The following PTPN3 variants were observed in gnomAD, a reference collection of about 807,000 sequenced individuals.
The protein encoded by PTPN3 is protein tyrosine phosphatase non-receptor type 3.
PTPN3 carries 96 observed loss-of-function variants against 132.7 expected under a neutral mutation model. That is an observed-to-expected ratio of 0.72 (90% CI 0.61 to 0.86). The LOEUF is 0.86. Ranked by LOEUF, PTPN3 falls within the 40% of genes least tolerant of loss-of-function variation. PTPN3 has a pLI of 0.00. For synonymous variants in PTPN3, 398 were observed against 429.0 expected (o/e 0.93, Z 0.89); for missense variants, 1,125 against 1,159.6 (o/e 0.97, Z 0.43).
chr9:109,462,191 T>A (rs1845875899), intron 2 of PTPN3, among the ~76,000 whole-genome samples: 1 of 152,218 alleles, frequency 6.6e-6, no homozygotes, highest in Non-Finnish European at 1.5e-5. Flanking sequence ...TGACTTTGGT[T>A]GTCCACCTGA....
intron 17 of PTPN3, among the ~76,000 whole-genome samples, chr9:109,407,215 G>A (rs1841640168): frequency 6.6e-6 from 1 of 152,130 alleles, no homozygotes; most frequent in South Asian, 2.1e-4. Flanking sequence ...CTTTAAAAAA[G>A]CAGATGATTA....
chr9:109,385,134 C>T (rs1839462430), intron 22 of PTPN3, among the ~76,000 whole-genome samples: 1 of 152,190 alleles, frequency 6.6e-6, no homozygotes, highest in African/African-American at 2.4e-5. Context: ...AGAGAGACTC[C>T]CCTTATTCCA....
At chr9:109,450,808 G>A in intron 5 of PTPN3, 1 of 985,374 alleles carries the variant, frequency 1.0e-6, no homozygotes, top group Non-Finnish European at 1.2e-6. Flanking sequence ...CTCTCTTGTG[G>A]GTACCCCACC....
At position 109,381,639 on chromosome 9, in the gene PTPN3, G is replaced by A; in HGVS notation, c.2664+13C>T. On this transcript the variant is annotated intron_variant, in intron 25 of 25. Coordinates refer to ENST00000374541, the MANE Select transcript of PTPN3 (RefSeq NM_002829.4). Reference sequence around the variant, plus strand: ...AAAGTGCCAGCCACCGTAATTACTGGATTTCTACTCACTGATGTCTGCACC... The same window carrying A: ...AAAGTGCCAGCCACCGTAATTACTGAATTTCTACTCACTGATGTCTGCACC... The A allele has an allele frequency of 1.9e-6, 3 of 1,614,118 alleles. No individual in the cohort carries two copies. The highest frequency in any genetic ancestry group is 2.5e-6 in the Non-Finnish European group (3 of 1,179,952).
At chr9:109,409,783 G>C (rs1841928529) in intron 16 of PTPN3, among the ~76,000 whole-genome samples, 1 of 152,000 alleles carries the variant, frequency 6.6e-6, no homozygotes, top group Admixed American at 6.6e-5. Flanking sequence ...CTGCACTCTA[G>C]GTTTGGGCGA....
In PTPN3 at chr9:109,457,362, T is replaced by C. The variant is rs1417570390; in HGVS notation, c.176A>G (p.His59Arg). ...DTGQVLLDMV[H>R]NHLGVTEKEY... ...CTTTTCAGTCACACCCAGGTGGTTG[T>C]GCACCATATCCAGAAGAACCTGGCC... The change falls in exon 3 of 26, where the codon CAC becomes CGC. Residue 59 changes from histidine to arginine, a missense_variant. His to Arg is a conservative substitution (Grantham distance 29). Coordinates refer to ENST00000374541, the MANE Select transcript of PTPN3 (RefSeq NM_002829.4). The C allele has an allele frequency of 1.9e-6, 3 of 1,614,222 alleles. No homozygotes were observed. The African/African-American group carries it at 4.0e-5, about 22-fold the overall frequency.
At chr9:109,517,136 AG>A in the PTPN3 span, among the ~76,000 whole-genome samples, 2 of 152,136 alleles carry the variant, frequency 1.3e-5, no homozygotes, top group African/African-American at 4.8e-5. Context: ...GGCACTGAAA[AG>A]TCATCCTCAC....
intron 14 of PTPN3, among the ~76,000 whole-genome samples, chr9:109,414,021 C>G (rs972568357): frequency 9.2e-5 from 14 of 152,094 alleles, no homozygotes; most frequent in African/African-American, 3.4e-4. Context: ...GTCAGGAGAC[C>G]CTAGTGCTCT....
chr9:109,413,415 G>A (rs575532595), intron 14 of PTPN3, among the ~76,000 whole-genome samples: 3 of 152,314 alleles, frequency 2.0e-5, no homozygotes, highest in Non-Finnish European at 4.4e-5. Flanking sequence ...CGAGGAAGAG[G>A]ACATCAAATG....
At position 109,379,436 on chromosome 9, in the gene PTPN3, C is replaced by G. The variant is rs1310561008; in HGVS notation, c.*120G>C. The G allele has an allele frequency of 3.6e-6, 3 of 834,990 alleles. No individual in the cohort carries two copies. The highest frequency in any genetic ancestry group is 5.9e-6 in the Non-Finnish European group (3 of 505,902). 51.7% of individuals were successfully genotyped at this position (834,990 alleles called of 1,614,324 possible). On this transcript the variant is annotated 3_prime_UTR_variant, in exon 26 of 26. Coordinates refer to ENST00000374541, the MANE Select transcript of PTPN3 (RefSeq NM_002829.4). The stretch of plus-strand genomic sequence containing the variant: ...TATAGAAGTTTAAAGTGCCTGGGTT[C>G]AGAGGTGCCCATTCCTTTCCCACAG...
intron 1 of PTPN3, among the ~76,000 whole-genome samples, chr9:109,478,382 T>C (rs561068283): frequency 2.6e-5 from 4 of 151,976 alleles, no homozygotes; most frequent in South Asian, 2.1e-4. Flanking sequence ...CCTTCTGTTA[T>C]GACTCTACGA....
At position 109,447,379 on chromosome 9, in the gene PTPN3, A is replaced by G. The variant is rs192948148; in HGVS notation, c.413+1432T>C. 2.8e-3 allele frequency among the ~76,000 whole-genome samples: 431 copies of G among 152,230 alleles called. 5 individuals carry two copies. The highest frequency in any genetic ancestry group is 0.01 in the African/African-American group (416 of 41,524). ...CAGCTGCTAAGGACAGCCTGGACCC[A>G]GGAGAGGGGTCGGTAATTTCAACCT... On this transcript the variant is annotated intron_variant, in intron 6 of 25. Coordinates refer to ENST00000374541, the MANE Select transcript of PTPN3 (RefSeq NM_002829.4).
the PTPN3 span, among the ~76,000 whole-genome samples, chr9:109,529,253 C>T: frequency 6.6e-6 from 1 of 152,198 alleles, no homozygotes; most frequent in Non-Finnish European, 1.5e-5. Context: ...AAATCTTGGT[C>T]TCTCAATCAG....
intron 1 of PTPN3, among the ~76,000 whole-genome samples, chr9:109,480,191 A>C (rs1846893681): frequency 6.6e-6 from 1 of 151,672 alleles, no homozygotes. Flanking sequence ...TGAGCTGTTG[A>C]CTTTCAGGGT....
chr9:109,489,850 C>T (rs899609692), intron 1 of PTPN3, among the ~76,000 whole-genome samples: 3 of 151,986 alleles, frequency 2.0e-5, no homozygotes, highest in African/African-American at 7.2e-5. Flanking sequence ...ATAAAAATAG[C>T]AGGATTCAAA....
chr9:109,379,644 A>C lies in PTPN3; in HGVS notation c.2665-11T>G. 1 of 1,611,068 alleles carries C rather than the reference A, an allele frequency of 6.2e-7. No individual in the cohort carries two copies. The highest frequency in any genetic ancestry group is 8.5e-7 in the Non-Finnish European group (1 of 1,177,196). On this transcript the variant is annotated splice_polypyrimidine_tract_variant and intron_variant, in intron 25 of 25. Coordinates refer to ENST00000374541, the MANE Select transcript of PTPN3 (RefSeq NM_002829.4). ...AAACTTGTACTGGCTCTGGAAAAGA[A>C]AAAAATGCTGTCAAGTCCTGTAGCT...
chr9:109,414,406 G>A (rs992934033), intron 14 of PTPN3, among the ~76,000 whole-genome samples: 6 of 152,208 alleles, frequency 3.9e-5, no homozygotes, highest in African/African-American at 9.7e-5. Flanking sequence ...GGAATAGCAC[G>A]GCGCTAGAGG....
intron 19 of PTPN3, among the ~76,000 whole-genome samples, chr9:109,392,264 C>A (rs10816806): frequency 1.3e-5 from 2 of 151,938 alleles, no homozygotes; most frequent in Non-Finnish European, 2.9e-5. Context: ...GATCTGACTC[C>A]AAGGCTTATG....
Position 109,406,637 on chromosome 9 carries a change from C to A in PTPN3, c.1636-19G>T. On this transcript the variant is annotated intron_variant, in intron 17 of 25. Coordinates refer to ENST00000374541, the MANE Select transcript of PTPN3 (RefSeq NM_002829.4). ...TGTCCGCCTGGGTGGTGGGGAAAAGCGAGTTTCTCCTGTTACCATAACACA... is the reference window on the plus strand; with the variant it reads ...TGTCCGCCTGGGTGGTGGGGAAAAGAGAGTTTCTCCTGTTACCATAACACA... 1 of 1,613,058 alleles carries A rather than the reference C, an allele frequency of 6.2e-7. No homozygotes were observed. Among genetic ancestry groups the A allele is most frequent in the Non-Finnish European group, 8.5e-7 (1 of 1,179,150 alleles).
Sources: allele counts gnomAD v4.1 joint callset (sites outside exome capture counted in the v4.1 genomes callset), GRCh38; gene constraint gnomAD v4.1.1; transcripts MANE v1.5; gene names NCBI Gene and HGNC (gene_info 2026-07-23, HGNC 2026-07-21).